Variants in POTEG observed in about 807,000 individuals in gnomAD.
POTEG encodes POTE ankyrin domain family member G, also known as ANKRD26-like family C member 2.
Under a neutral mutation model 49.6 loss-of-function variants are expected in POTEG, and 2 were observed. The observed-to-expected ratio is 0.04, with a 90% CI of 0.02 to 0.13. The LOEUF (loss-of-function observed/expected upper bound fraction) is 0.13, where lower values mean the gene tolerates loss of function less well. POTEG is among the 10% of genes least tolerant of loss of function. The pLI is 1.00. For synonymous variants in POTEG, 7 were observed against 186.6 expected (o/e 0.04, Z 7.84); for missense variants, 26 against 545.2 (o/e 0.05, Z 9.48).
chr14:19,426,442 G>C (rs1594280129), intron 3 of POTEG, among the ~76,000 whole-genome samples: 4 of 151,896 alleles, frequency 2.6e-5, no homozygotes, highest in African/African-American at 9.7e-5. Context: ...ATAAAAAACA[G>C]TTTAGAATTT....
chr14:19,433,271 C>CAAG (rs1884236738), intron 1 of POTEG, among the ~76,000 whole-genome samples: 1 of 120,084 alleles, frequency 8.3e-6, no homozygotes, highest in Non-Finnish European at 1.8e-5. Flanking sequence ...TATTCAAGCA[C>CAAG]AAGAACCATC....
intron 7 of POTEG, among the ~76,000 whole-genome samples, chr14:19,415,186 T>C (rs1320181808): frequency 1.7e-4 from 25 of 143,886 alleles, no homozygotes; most frequent in Non-Finnish European, 3.1e-4. Context: ...GTTATGTATC[T>C]AGATTATCTG....
chr14:19,418,994 C>A (rs1341272785), intron 6 of POTEG, among the ~76,000 whole-genome samples: 3 of 109,546 alleles, frequency 2.7e-5, no homozygotes, highest in Admixed American at 9.7e-5. Context: ...ATGAAAAAAG[C>A]ATAACACCAA....
At chr14:19,433,224 G>A in intron 1 of POTEG, among the ~76,000 whole-genome samples, 1 of 141,768 alleles carries the variant, frequency 7.1e-6, no homozygotes, top group South Asian at 2.3e-4. Flanking sequence ...ACCACGCCCA[G>A]CCAAAAAGCT....
At chr14:19,414,297 T>C (rs1375048324) in intron 8 of POTEG, among the ~76,000 whole-genome samples, 2 of 144,880 alleles carry the variant, frequency 1.4e-5, no homozygotes, top group Non-Finnish European at 3.1e-5. Context: ...AAAGATAAAA[T>C]TATTGATCCA....
At chr14:19,421,540 AG>A in intron 6 of POTEG, 83 bp downstream of exon 6, 1 of 1,508,004 alleles carries the variant, frequency 6.6e-7, no homozygotes, top group Non-Finnish European at 9.1e-7. Flanking sequence ...GCCCATGGAA[AG>A]ATTGTCTTCC....
At chr14:19,408,877 CCAGTA>C (rs1883364166) in intron 9 of POTEG, among the ~76,000 whole-genome samples, 1 of 148,662 alleles carries the variant, frequency 6.7e-6, no homozygotes, top group Non-Finnish European at 1.5e-5. Flanking sequence ...AAATAAAATA[CCAGTA>C]AAGTTTGCAA....
At chr14:19,416,132 C>T (rs1326941470) in intron 7 of POTEG, among the ~76,000 whole-genome samples, 156 bp downstream of exon 7, 2 of 133,170 alleles carry the variant, frequency 1.5e-5, no homozygotes, top group African/African-American at 2.9e-5. Flanking sequence ...GCATGAGCCA[C>T]CCCCCCAGCC....
intron 9 of POTEG, among the ~76,000 whole-genome samples, chr14:19,409,721 GT>G (rs1883385890): frequency 1.6e-5 from 1 of 64,286 alleles, no homozygotes; most frequent in African/African-American, 4.0e-5. Flanking sequence ...TCCTTAATGT[GT>G]TTCTTTTTAC....
chr14:19,419,993 C>T (rs1286342242), intron 6 of POTEG, among the ~76,000 whole-genome samples: 1 of 142,072 alleles, frequency 7.0e-6, no homozygotes, highest in Non-Finnish European at 1.5e-5. Context: ...TCATTCCCAA[C>T]CTCTCGTATC....
At chr14:19,430,873 AG>A (rs1884108793) in intron 1 of POTEG, among the ~76,000 whole-genome samples, 1 of 147,210 alleles carries the variant, frequency 6.8e-6, no homozygotes, top group Admixed American at 6.9e-5. Flanking sequence ...TATAATGAAA[AG>A]GTAATTATGT....
chr14:19,416,138 C>T (rs28454993), intron 7 of POTEG, 150 bp downstream of exon 7: 9 of 485,384 alleles, frequency 1.9e-5, no homozygotes, highest in Admixed American at 1.5e-4. Context: ...GCCACCCCCC[C>T]AGCCAAAAGA....
intron 1 of POTEG, among the ~76,000 whole-genome samples, chr14:19,432,362 T>TG (rs1566383022): frequency 1.9e-3 from 61 of 31,590 alleles, no homozygotes; most frequent in African/African-American, 5.0e-3. Context: ...AAAAAAGAAA[T>TG]TTTGTATATA....
At position 19,414,984 on chromosome 14, in the gene POTEG, C is replaced by T. The variant is rs534346685; in HGVS notation, c.1198-378G>A. Among the ~76,000 whole-genome samples, 7 of 142,508 alleles carry T rather than the reference C, an allele frequency of 4.9e-5. No homozygotes were observed. In the South Asian group the frequency reaches 1.6e-3, roughly 33 times the overall value. The allele number at this position is 142,508 out of a possible 152,430, so 93.5% of individuals were successfully genotyped here. A position where few individuals can be genotyped will look rare whatever the true frequency, so the allele number is the denominator to read the frequency against. On this transcript the variant is annotated intron_variant, in intron 7 of 10. Transcript: ENST00000547848. ...TCATTTGTAGTGTTGCAAAACCTTC[C>T]TCACTTGAAAAGAGTTTACCTCATG...
chr14:19,426,990 TAAA>T (rs372154880), intron 3 of POTEG: 77 of 285,916 alleles, frequency 2.7e-4, no homozygotes, highest in Middle Eastern at 1.2e-3. Context: ...AGACTCAATC[TAAA>T]AAAAAAAAAA....
chr14:19,432,303 G>A (rs1296065216), intron 1 of POTEG, among the ~76,000 whole-genome samples: 5 of 80,524 alleles, frequency 6.2e-5, no homozygotes, highest in East Asian at 3.5e-4. Flanking sequence ...AGCCGAGATC[G>A]CACCACTGCA....
At chr14:19,432,403 T>A (rs181529279) in intron 1 of POTEG, among the ~76,000 whole-genome samples, 2 of 44,730 alleles carry the variant, frequency 4.5e-5, no homozygotes. Flanking sequence ...TATATATATA[T>A]ACACACACAT....
At chr14:19,432,485 T>C (rs1319671438) in intron 1 of POTEG, among the ~76,000 whole-genome samples, 1 of 112,304 alleles carries the variant, frequency 8.9e-6, no homozygotes, top group African/African-American at 3.6e-5. Flanking sequence ...TACATGTGTA[T>C]ATATATCTGC....
intron 1 of POTEG, among the ~76,000 whole-genome samples, chr14:19,433,187 A>G (rs1199026551): frequency 6.8e-6 from 1 of 147,252 alleles, no homozygotes; most frequent in Non-Finnish European, 1.5e-5. Flanking sequence ...TCAGCCTCCC[A>G]AAGTGCTGGG....
Sources: gnomAD v4.1 joint callset for allele counts (sites outside exome capture counted in the v4.1 genomes callset) on GRCh38, gnomAD v4.1.1 for gene constraint, MANE v1.5 for transcripts, NCBI Gene and HGNC (gene_info 2026-07-23, HGNC 2026-07-21) for gene names.